Variants in MCU observed in about 807,000 individuals in gnomAD.
The protein encoded by MCU is mitochondrial calcium uniporter, also known as calcium uniporter protein, mitochondrial.
A neutral mutation model predicts 45.2 loss-of-function variants in MCU; 12 were observed. That is an observed-to-expected ratio of 0.27 (90% CI 0.17 to 0.43). The LOEUF is 0.43. Ranked by LOEUF, MCU falls within the 20% of genes least tolerant of loss-of-function variation. MCU has a pLI of 1.00. For missense variants in MCU, 324 were observed against 436.7 expected (o/e 0.74, Z 2.30); for synonymous variants, 160 against 165.1 (o/e 0.97, Z 0.24).
chr10:72,702,439 T>C (rs1203547366), intron 1 of MCU, among the ~76,000 whole-genome samples: 1 of 152,182 alleles, frequency 6.6e-6, no homozygotes, highest in Admixed American at 6.5e-5. Context: ...AAGGGTTTGG[T>C]AACCTGGAGA....
chr10:72,810,293 T>C (rs1844520009), intron 1 of MCU, among the ~76,000 whole-genome samples: 1 of 152,044 alleles, frequency 6.6e-6, no homozygotes, highest in South Asian at 2.1e-4. Flanking sequence ...AGAAATTTCC[T>C]ATTTTACTGG....
intron 1 of MCU, chr10:72,692,801 C>T (rs1376173510): frequency 1.4e-6 from 2 of 1,411,806 alleles, no homozygotes; most frequent in Non-Finnish European, 1.8e-6. Context: ...AGGACCCCGG[C>T]GGGGCCGCCC....
chr10:72,819,332 C>T (rs1244665353), intron 1 of MCU, among the ~76,000 whole-genome samples: 1 of 152,214 alleles, frequency 6.6e-6, no homozygotes, highest in Non-Finnish European at 1.5e-5. Flanking sequence ...TAGCTACACA[C>T]ATACAATCAA....
intron 1 of MCU, among the ~76,000 whole-genome samples, chr10:72,754,718 C>T (rs774609401): frequency 6.6e-6 from 1 of 152,164 alleles, no homozygotes; most frequent in Non-Finnish European, 1.5e-5. Context: ...CCTGTCTTAG[C>T]CTCCCAAACT....
At chr10:72,764,777 A>T (rs932631086) in intron 1 of MCU, among the ~76,000 whole-genome samples, 1 of 152,184 alleles carries the variant, frequency 6.6e-6, no homozygotes, top group Admixed American at 6.6e-5. Flanking sequence ...GAGTAGATGT[A>T]TATGACTTTT....
intron 4 of MCU, among the ~76,000 whole-genome samples, chr10:72,862,361 C>T (rs984853119): frequency 6.6e-6 from 1 of 152,114 alleles, no homozygotes; most frequent in Non-Finnish European, 1.5e-5. Context: ...ATGCCCCTTC[C>T]ACCACTCCTT....
intron 2 of MCU, among the ~76,000 whole-genome samples, chr10:72,851,565 G>T (rs572833314): frequency 2.0e-5 from 3 of 152,258 alleles, no homozygotes; most frequent in South Asian, 2.1e-4. Flanking sequence ...AGTCATAGGG[G>T]TGTGGAAAAT....
chr10:72,712,366 G>A (rs1438023596), intron 1 of MCU: 1 of 152,164 alleles, frequency 6.6e-6, no homozygotes, highest in Non-Finnish European at 1.5e-5. Flanking sequence ...AACATGTCTT[G>A]TACAAGATAC....
At chr10:72,729,276 C>T (rs1383468575) in intron 1 of MCU, among the ~76,000 whole-genome samples, 1 of 152,070 alleles carries the variant, frequency 6.6e-6, no homozygotes, top group African/African-American at 2.4e-5. Flanking sequence ...ACCAGCCTGA[C>T]CAACAGGGAG....
At chr10:72,882,518 T>A (rs1420540637) in intron 6 of MCU, among the ~76,000 whole-genome samples, 1 of 152,132 alleles carries the variant, frequency 6.6e-6, no homozygotes, top group Admixed American at 6.6e-5. Flanking sequence ...GTGGCCGTCT[T>A]CTATGGTCGA....
chr10:72,790,025 T>C (rs117340192), intron 1 of MCU, among the ~76,000 whole-genome samples: 135 of 152,322 alleles, frequency 8.9e-4, no homozygotes, highest in Non-Finnish European at 1.5e-3. Context: ...ACTTCTGATA[T>C]ATTTGCTGGC....
intron 1 of MCU, among the ~76,000 whole-genome samples, chr10:72,710,042 C>A (rs1304117736): frequency 1.3e-5 from 2 of 152,186 alleles, no homozygotes; most frequent in African/African-American, 4.8e-5. Context: ...GTGGTGCGAT[C>A]TCAGGTCACT....
intron 1 of MCU, among the ~76,000 whole-genome samples, chr10:72,801,674 CTT>C (rs767524519): frequency 2.3e-4 from 31 of 134,312 alleles, no homozygotes; most frequent in Admixed American, 3.8e-4. Flanking sequence ...CTCTTTTTTT[CTT>C]TTTTTTTTTT....
chr10:72,778,031 T>C (rs1843922674), intron 1 of MCU, among the ~76,000 whole-genome samples: 1 of 152,140 alleles, frequency 6.6e-6, no homozygotes, highest in Non-Finnish European at 1.5e-5. Context: ...GTAACAAATA[T>C]TGATGAGTAT....
intron 1 of MCU, among the ~76,000 whole-genome samples, chr10:72,710,455 G>A (rs1343764996): frequency 6.6e-6 from 1 of 150,940 alleles, no homozygotes; most frequent in Non-Finnish European, 1.5e-5. Flanking sequence ...GACAGTCATA[G>A]CACTAGTGGA....
At chr10:72,699,652 C>T (rs1165445021) in intron 1 of MCU, among the ~76,000 whole-genome samples, 2 of 147,230 alleles carry the variant, frequency 1.4e-5, no homozygotes, top group East Asian at 2.0e-4. Context: ...AGTGCAGTGG[C>T]GCTATCTCTG....
intron 1 of MCU, among the ~76,000 whole-genome samples, chr10:72,799,532 G>T (rs535268294): frequency 6.6e-6 from 1 of 151,102 alleles, no homozygotes; most frequent in South Asian, 2.1e-4. Flanking sequence ...ATGTTGCTCA[G>T]GCTGTACTTG....
intron 6 of MCU, among the ~76,000 whole-genome samples, chr10:72,875,950 A>G (rs1845610632): frequency 6.6e-6 from 1 of 152,202 alleles, no homozygotes; most frequent in Admixed American, 6.5e-5. Flanking sequence ...TGGGGAGTAA[A>G]AACATATTGC....
chr10:72,736,143 C>A (rs1310977867), intron 1 of MCU, among the ~76,000 whole-genome samples: 3 of 152,068 alleles, frequency 2.0e-5, no homozygotes, highest in Non-Finnish European at 2.9e-5. Context: ...GTGTTTAAAA[C>A]CCTCTATTGA....
Sources: allele counts gnomAD v4.1 joint callset (sites outside exome capture counted in the v4.1 genomes callset), GRCh38; gene constraint gnomAD v4.1.1; transcripts MANE v1.5; gene names NCBI Gene and HGNC (gene_info 2026-07-23, HGNC 2026-07-21).